The following STAG1 variants were observed in gnomAD, a reference collection of about 807,000 sequenced individuals.
The protein encoded by STAG1 is STAG1 cohesin complex component, also known as cohesin subunit SA-1.
A neutral mutation model predicts 170.9 loss-of-function variants in STAG1; 26 were observed. That is an observed-to-expected ratio of 0.15 (90% confidence interval 0.11 to 0.21). The LOEUF (loss-of-function observed/expected upper bound fraction) is 0.21. STAG1 is among the 10% of genes least tolerant of loss of function. STAG1 has a pLI of 1.00. For synonymous variants in STAG1, 514 were observed against 497.7 expected (o/e 1.03, Z -0.44); for missense variants, 964 against 1,509.5 (o/e 0.64, Z 5.99).
At chr3:136,412,389 C>T (rs922205886) in intron 21 of STAG1, among the ~76,000 whole-genome samples, 10 of 152,232 alleles carry the variant, frequency 6.6e-5, no homozygotes, top group Middle Eastern at 3.4e-3. Flanking sequence ...GATCATAAAT[C>T]GGTACTAAAA....
At chr3:136,627,919 T>TA (rs1212938028) in intron 2 of STAG1, among the ~76,000 whole-genome samples, 15 of 152,198 alleles carry the variant, frequency 9.9e-5, no homozygotes, top group African/African-American at 3.4e-4. Context: ...CAGGTCTCCT[T>TA]GTTTCTAGTG....
intron 1 of STAG1, among the ~76,000 whole-genome samples, chr3:136,744,670 CA>C (rs1250209516): frequency 7.2e-6 from 1 of 138,838 alleles, no homozygotes; most frequent in African/African-American, 2.6e-5. Flanking sequence ...AAACTGCAAC[CA>C]TCTTTTTTTT....
intron 4 of STAG1, among the ~76,000 whole-genome samples, chr3:136,582,220 T>TG (rs1186540467): frequency 6.2e-5 from 3 of 48,560 alleles, no homozygotes; most frequent in Non-Finnish European, 1.3e-4. Flanking sequence ...GAGGTGGGGG[T>TG]GGGGGGTTAA....
intron 15 of STAG1, among the ~76,000 whole-genome samples, chr3:136,437,008 C>T (rs368328807): frequency 1.3e-5 from 2 of 152,128 alleles, no homozygotes; most frequent in Non-Finnish European, 2.9e-5. Flanking sequence ...AACTAAAGTT[C>T]TATTTTTATG....
chr3:136,374,111 C>G (rs1293593225), intron 23 of STAG1, among the ~76,000 whole-genome samples: 4 of 151,844 alleles, frequency 2.6e-5, no homozygotes, highest in Non-Finnish European at 4.4e-5. Context: ...TTCTTTGTCC[C>G]TTTTGATCTT....
At position 136,366,900 on chromosome 3, in the gene STAG1, T is replaced by C. The variant is rs904838257; in HGVS notation, c.2685+43A>G. ...TCATCCTTTCAATTGCTAATTTCTC[T>C]GCCAGTTAGAGGAAGGAGAAAAATA... is the stretch of plus-strand genomic sequence containing the variant. On this transcript the variant is annotated intron_variant, in intron 25 of 33. Transcript: ENST00000383202. The C allele has an allele frequency of 8.0e-6, 12 of 1,502,330 alleles. No homozygotes were observed. The African/African-American group carries it at 1.5e-4, about 19-fold the overall frequency. 93.1% of individuals were successfully genotyped at this position (1,502,330 alleles called of 1,614,324 possible). A position where few individuals can be genotyped will look rare whatever the true frequency, so the allele number is the denominator to read the frequency against.
chr3:136,403,302 A>T (rs892190872), intron 21 of STAG1, among the ~76,000 whole-genome samples: 3 of 151,140 alleles, frequency 2.0e-5, no homozygotes, highest in Admixed American at 2.0e-4. Flanking sequence ...GAAAAAAAGA[A>T]TTAGAGGAAT....
rs554475207 is a variant in STAG1 at position 136,405,231 on chromosome 3, CTTTTTTTT to C, written c.2197-6410_2197-6403del. 8.0e-3 allele frequency among the ~76,000 whole-genome samples: 486 copies of C among 60,908 alleles called. 10 individuals carry two copies. In the East Asian group the frequency reaches 0.13, roughly 17 times the overall value. 40.0% of individuals were successfully genotyped at this position (60,908 alleles called of 152,430 possible). ...AATAAATAAACACATGAAAAAACCT[CTTTTTTTT>C]TTTTTTTTTTTTTTTTTTTTCAGAC... On this transcript the variant is annotated intron_variant, in intron 21 of 33. Coordinates refer to ENST00000383202, the MANE Select transcript of STAG1 (RefSeq NM_005862.3).
At chr3:136,506,496 A>T (rs899959945) in intron 7 of STAG1, among the ~76,000 whole-genome samples, 245 of 149,224 alleles carry the variant, frequency 1.6e-3, no homozygotes, top group Non-Finnish European at 3.2e-3. Context: ...AAAAAAAAAA[A>T]TTTCCCAGAT....
At position 136,366,975 on chromosome 3, in the gene STAG1, C is replaced by T; in HGVS notation, c.2653G>A (p.Ala885Thr). 5 of 1,609,222 alleles carry T rather than the reference C, an allele frequency of 3.1e-6. No homozygotes were observed. Among genetic ancestry groups the T allele is most frequent in the Non-Finnish European group, 4.2e-6 (5 of 1,176,806 alleles). ...LIIYDIVDMH[A>T]AADIFKHYMK... is the part of the protein sequence containing the mutation. ...TAGTGTTTGAAGATGTCTGCAGCTG[C>T]ATGCATGTCAACAATGTCATAAATG... Residue 885 changes from alanine to threonine, a missense_variant, in exon 25 of 34, where the codon GCA becomes ACA. Transcript: ENST00000383202.
At chr3:136,573,732 G>A (rs1376291905) in intron 4 of STAG1, among the ~76,000 whole-genome samples, 4 of 152,142 alleles carry the variant, frequency 2.6e-5, no homozygotes, top group Non-Finnish European at 4.4e-5. Flanking sequence ...CAGCACTTTG[G>A]GAGGCCGAAG....
chr3:136,461,954 T>C (rs1242856852), intron 13 of STAG1, among the ~76,000 whole-genome samples: 3 of 152,130 alleles, frequency 2.0e-5, no homozygotes, highest in African/African-American at 7.2e-5. Context: ...AGTGCTCTCA[T>C]TATTTATTAT....
At chr3:136,677,312 C>T (rs1344314324) in intron 1 of STAG1, among the ~76,000 whole-genome samples, 1 of 152,062 alleles carries the variant, frequency 6.6e-6, no homozygotes, top group African/African-American at 2.4e-5. Flanking sequence ...AGGAAGGTTA[C>T]GAGATCACAA....
chr3:136,486,077 A>T (rs1198374354), intron 9 of STAG1, among the ~76,000 whole-genome samples: 5 of 152,194 alleles, frequency 3.3e-5, no homozygotes, highest in Non-Finnish European at 1.5e-5. Flanking sequence ...TGATTCAGTG[A>T]GTGGCAACAA....
chr3:136,418,790 C>T (rs999553852), intron 20 of STAG1, among the ~76,000 whole-genome samples: 5 of 151,888 alleles, frequency 3.3e-5, no homozygotes, highest in African/African-American at 9.7e-5. Context: ...TACAGGTGTG[C>T]GCCATGACAC....
intron 1 of STAG1, among the ~76,000 whole-genome samples, chr3:136,700,848 A>G (rs888727050): frequency 1.3e-5 from 2 of 151,032 alleles, no homozygotes; most frequent in Non-Finnish European, 2.9e-5. Context: ...TTAAAAAAAC[A>G]TAAATGTGTG....
chr3:136,689,795 CT>C (rs1942659440), intron 1 of STAG1, among the ~76,000 whole-genome samples: 1 of 152,080 alleles, frequency 6.6e-6, no homozygotes, highest in Admixed American at 6.6e-5. Flanking sequence ...AATCTCAGCA[CT>C]TTGGGAAGCC....
At chr3:136,708,457 G>A (rs1158117661) in intron 1 of STAG1, among the ~76,000 whole-genome samples, 3 of 152,046 alleles carry the variant, frequency 2.0e-5, no homozygotes, top group African/African-American at 7.2e-5. Flanking sequence ...AGGAGACTGG[G>A]GGGGAGGGTG....
intron 1 of STAG1, among the ~76,000 whole-genome samples, chr3:136,676,275 T>C (rs561478336): frequency 3.9e-5 from 6 of 152,248 alleles, no homozygotes; most frequent in Non-Finnish European, 7.3e-5. Context: ...TTACAGACAC[T>C]GAACATTTAG....
Sources: gnomAD v4.1 joint callset for allele counts (sites outside exome capture counted in the v4.1 genomes callset) on GRCh38, gnomAD v4.1.1 for gene constraint, MANE v1.5 for transcripts, NCBI Gene and HGNC (gene_info 2026-07-23, HGNC 2026-07-21) for gene names.